Variants in DSCAM observed in about 807,000 individuals in gnomAD.
DSCAM encodes the protein cell adhesion molecule DSCAM.
In DSCAM, 47 loss-of-function variants were observed where a neutral mutation model predicts 217.7. The ratio of observed to expected loss-of-function variants is 0.22; its 90% confidence interval spans 0.17 to 0.28. The LOEUF is 0.28. Ranked by LOEUF, DSCAM falls within the 10% of genes least tolerant of loss-of-function variation. The pLI, the probability that DSCAM is intolerant of heterozygous loss-of-function variation, is 1.00. For synonymous variants in DSCAM, 1,056 were observed against 1,015.3 expected (o/e 1.04, Z -0.76); for missense variants, 2,080 against 2,618.3 (o/e 0.79, Z 4.49).
At chr21:40,469,569 G>A (rs192068958) in intron 3 of DSCAM, among the ~76,000 whole-genome samples, 118 of 152,306 alleles carry the variant, frequency 7.7e-4, no homozygotes, top group African/African-American at 2.6e-3. Context: ...TGTAATCATA[G>A]CACACAACTT....
At chr21:40,539,583 T>C (rs1383342588) in intron 3 of DSCAM, among the ~76,000 whole-genome samples, 1 of 152,024 alleles carries the variant, frequency 6.6e-6, no homozygotes, top group Non-Finnish European at 1.5e-5. Context: ...TAAAAACAAG[T>C]GTGAAAGCCT....
intron 20 of DSCAM, among the ~76,000 whole-genome samples, chr21:40,117,001 CAAAAAA>C (rs534100380): frequency 9.0e-5 from 3 of 33,178 alleles, no homozygotes; most frequent in African/African-American, 2.1e-4. Flanking sequence ...GACTCTGTCT[CAAAAAA>C]AAAAAAAAAA....
At chr21:40,314,049 T>C (rs2074169680) in intron 8 of DSCAM, among the ~76,000 whole-genome samples, 1 of 152,238 alleles carries the variant, frequency 6.6e-6, no homozygotes, top group Non-Finnish European at 1.5e-5. Context: ...TCATGTTTAT[T>C]GAGCACCTGG....
chr21:40,625,957 A>T (rs1257454520), intron 3 of DSCAM, among the ~76,000 whole-genome samples: 2 of 152,204 alleles, frequency 1.3e-5, no homozygotes, highest in East Asian at 3.9e-4. Context: ...ATGTTTATTA[A>T]TAGTTTAAAT....
At chr21:40,381,062 C>CAAAAAAAAAAAAAAAAAAAAAAAAAAAAA (rs71186932) in intron 3 of DSCAM, among the ~76,000 whole-genome samples, 1 of 66,222 alleles carries the variant, frequency 1.5e-5, no homozygotes. Context: ...GACTCCGTCT[C>CAAAAAAAAAAAAAAAAAAAAAAAAAAAAA]AAAAAAAAAA....
chr21:40,583,431 GC>G (rs1420493645), intron 3 of DSCAM, among the ~76,000 whole-genome samples: 3 of 152,018 alleles, frequency 2.0e-5, no homozygotes, highest in African/African-American at 4.8e-5. Context: ...ATGCTTCTCG[GC>G]CTGGTACATG....
intron 1 of DSCAM, among the ~76,000 whole-genome samples, chr21:40,762,395 T>C (rs962825609): frequency 6.6e-6 from 1 of 151,986 alleles, no homozygotes; most frequent in Non-Finnish European, 1.5e-5. Context: ...ACATACACCC[T>C]CCCAAGACTA....
At chr21:40,138,423 G>A (rs111402917) in intron 18 of DSCAM, among the ~76,000 whole-genome samples, 20,990 of 147,504 alleles carry the variant, frequency 0.14, 1,862 homozygotes, top group African/African-American at 0.26. Flanking sequence ...TGGGGGGTGC[G>A]TGTGGGGTGT....
At chr21:40,142,842 C>T in intron 17 of DSCAM, 138 bp from the exon 18 acceptor site, 1 of 981,372 alleles carries the variant, frequency 1.0e-6, no homozygotes, top group African/African-American at 1.6e-5. Flanking sequence ...GAAAAAATAA[C>T]AAAGATCACT....
intron 32 of DSCAM, among the ~76,000 whole-genome samples, chr21:40,027,464 CAG>C (rs1416817141): frequency 3.4e-5 from 5 of 149,226 alleles, no homozygotes; most frequent in Admixed American, 1.3e-4. Context: ...TAATATCCTG[CAG>C]AGTGTTTTTC....
intron 24 of DSCAM, among the ~76,000 whole-genome samples, chr21:40,083,050 T>TGTAA (rs1250475395): frequency 8.5e-5 from 13 of 152,354 alleles, no homozygotes; most frequent in Middle Eastern, 3.4e-3. Flanking sequence ...ACCTCCTTTA[T>TGTAA]GGTACAGGCC....
intron 11 of DSCAM, among the ~76,000 whole-genome samples, chr21:40,249,306 G>C (rs1170121926): frequency 6.6e-6 from 1 of 152,150 alleles, no homozygotes; most frequent in African/African-American, 2.4e-5. Context: ...CTGAATCATA[G>C]GGGTAGTTTC....
chr21:40,414,249 C>T (rs925013043), intron 3 of DSCAM, among the ~76,000 whole-genome samples: 1 of 152,172 alleles, frequency 6.6e-6, no homozygotes, highest in Non-Finnish European at 1.5e-5. Flanking sequence ...GGACCGGTAT[C>T]TAGCACATAT....
At chr21:40,415,588 C>T (rs2075363293) in intron 3 of DSCAM, among the ~76,000 whole-genome samples, 1 of 152,184 alleles carries the variant, frequency 6.6e-6, no homozygotes, top group African/African-American at 2.4e-5. Context: ...CCTGAAAGGA[C>T]AAAAGAACTG....
chr21:40,731,542 T>C (rs2091011012), intron 1 of DSCAM, among the ~76,000 whole-genome samples: 1 of 152,192 alleles, frequency 6.6e-6, no homozygotes, highest in South Asian at 2.1e-4. Context: ...AAGTTTGCAG[T>C]ATCCACAGGG....
intron 10 of DSCAM, among the ~76,000 whole-genome samples, chr21:40,285,129 A>G (rs945934730): frequency 9.2e-5 from 14 of 152,140 alleles, no homozygotes; most frequent in African/African-American, 3.4e-4. Context: ...ACTGAACACA[A>G]TTCAGCACTC....
At position 40,085,666 on chromosome 21, in the gene DSCAM, A is replaced by G. The variant is rs1478850270; in HGVS notation, c.4068T>C (p.Tyr1356=). ...IRTVKAEDSG[Y]YSCIANNNWG... is the part of the protein sequence containing the mutation. ...AGTTGTTATTGGCAATGCAGCTGTA[A>G]TAGCCGGAGTCTTCTGCTTTCACCG... The change falls in exon 23 of 33, where the codon TAT becomes TAC. Residue 1356 remains tyrosine (Y), a synonymous_variant. Transcript: ENST00000400454. 6.3e-7 allele frequency: 1 copy of G among 1,595,300 alleles called. No homozygotes were observed. Among genetic ancestry groups the G allele is most frequent in the Non-Finnish European group, 8.6e-7 (1 of 1,165,224 alleles).
intron 3 of DSCAM, among the ~76,000 whole-genome samples, chr21:40,514,291 T>C (rs996892624): frequency 5.3e-5 from 8 of 152,200 alleles, no homozygotes; most frequent in African/African-American, 9.6e-5. Flanking sequence ...CTGTTTTCAC[T>C]GAGCCAGGGA....
intron 1 of DSCAM, among the ~76,000 whole-genome samples, chr21:40,813,142 A>G (rs892554039): frequency 6.6e-6 from 1 of 152,232 alleles, no homozygotes; most frequent in Non-Finnish European, 1.5e-5. Context: ...GCAGCCTAAT[A>G]TATCCTAAAG....
Sources: allele counts gnomAD v4.1 joint callset (sites outside exome capture counted in the v4.1 genomes callset), GRCh38; gene constraint gnomAD v4.1.1; transcripts MANE v1.5; gene names NCBI Gene and HGNC (gene_info 2026-07-23, HGNC 2026-07-21).